Variants in FHIT observed in about 807,000 individuals in gnomAD.
FHIT encodes the protein bis(5'-adenosyl)-triphosphatase.
A neutral mutation model predicts 17.9 loss-of-function variants in FHIT; 19 were observed. The ratio of observed to expected loss-of-function variants is 1.06; its 90% CI spans 0.74 to 1.56. The LOEUF (loss-of-function observed/expected upper bound fraction) is 1.56, where lower values mean the gene tolerates loss of function less well. Among genes scored for constraint, FHIT ranks in the 40% most tolerant of loss-of-function variants. The pLI, the probability that FHIT is intolerant of heterozygous loss-of-function variation, is 0.00. For synonymous variants in FHIT, 81 were observed against 69.7 expected (o/e 1.16, Z -0.81); for missense variants, 248 against 189.2 (o/e 1.31, Z -1.82).
chr3:60,407,377 A>G (rs1701905802), intron 5 of FHIT, among the ~76,000 whole-genome samples: 1 of 152,110 alleles, frequency 6.6e-6, no homozygotes, highest in Admixed American at 6.5e-5. Flanking sequence ...CCAAAAGATA[A>G]GTAATTGAAT....
At chr3:60,626,023 C>A (rs1008970822) in intron 4 of FHIT, among the ~76,000 whole-genome samples, 2 of 152,194 alleles carry the variant, frequency 1.3e-5, no homozygotes, top group African/African-American at 2.4e-5. Flanking sequence ...CTTGGCAGCA[C>A]TTTTGAAAAT....
chr3:61,196,963 C>T (rs924391043), intron 2 of FHIT, among the ~76,000 whole-genome samples: 10 of 152,110 alleles, frequency 6.6e-5, no homozygotes, highest in Non-Finnish European at 5.9e-5. Flanking sequence ...AGAATGCCTG[C>T]GATAGAGGTT....
chr3:61,107,125 C>A (rs2036014826), intron 2 of FHIT, among the ~76,000 whole-genome samples: 1 of 152,224 alleles, frequency 6.6e-6, no homozygotes, highest in Non-Finnish European at 1.5e-5. Context: ...AATTCTCCAA[C>A]TGCCCACCCT....
In FHIT at chr3:60,683,596, G is replaced by T. The variant is rs150554267; in HGVS notation, c.-18+138323C>A. ...TGTAAACACAACTTTTATATTCACT[G>T]GGAAACAAAAAAGTTTGTGTGCCTT... On this transcript the variant is annotated intron_variant, in intron 4 of 9. Transcript: ENST00000492590. Among the ~76,000 whole-genome samples, 720 of 152,020 alleles carry T rather than the reference G, an allele frequency of 4.7e-3. 4 individuals are homozygous for T. The highest frequency in any genetic ancestry group is 0.017 in the African/African-American group (685 of 41,442).
intron 4 of FHIT, among the ~76,000 whole-genome samples, chr3:60,696,758 A>T (rs1553700741): frequency 2.6e-5 from 4 of 152,204 alleles, no homozygotes; most frequent in African/African-American, 7.2e-5. Context: ...CATGAATAAT[A>T]AATCAAAAGG....
intron 5 of FHIT, among the ~76,000 whole-genome samples, chr3:60,199,816 C>A (rs1308231251): frequency 6.6e-6 from 1 of 152,036 alleles, no homozygotes; most frequent in African/African-American, 2.4e-5. Context: ...ACCTACAATT[C>A]TTCTGTGTTA....
chr3:60,859,793 C>T (rs1553750882), intron 3 of FHIT, among the ~76,000 whole-genome samples: 1 of 110,910 alleles, frequency 9.0e-6, no homozygotes, highest in African/African-American at 3.5e-5. Context: ...CCTGTAATCC[C>T]AGCCCTTTGG....
At chr3:60,914,413 T>A (rs1706898990) in intron 3 of FHIT, among the ~76,000 whole-genome samples, 1 of 151,492 alleles carries the variant, frequency 6.6e-6, no homozygotes, top group South Asian at 2.1e-4. Context: ...ACAATAACCA[T>A]CCTGAGTGTT....
chr3:60,920,660 T>C (rs1707233566), intron 3 of FHIT, among the ~76,000 whole-genome samples: 1 of 152,108 alleles, frequency 6.6e-6, no homozygotes, highest in Non-Finnish European at 1.5e-5. Flanking sequence ...TTCAACATAT[T>C]CCACGATCAA....
At chr3:61,192,265 A>G (rs1189488199) in intron 2 of FHIT, among the ~76,000 whole-genome samples, 1 of 152,194 alleles carries the variant, frequency 6.6e-6, no homozygotes, top group Non-Finnish European at 1.5e-5. Flanking sequence ...GAGATAATTC[A>G]TTTCTCTTAT....
intron 5 of FHIT, among the ~76,000 whole-genome samples, chr3:60,142,775 C>T (rs1240175084): frequency 6.6e-6 from 1 of 151,300 alleles, no homozygotes; most frequent in Non-Finnish European, 1.5e-5. Context: ...CCTCCTAGAT[C>T]AGCCACTCAA....
intron 7 of FHIT, among the ~76,000 whole-genome samples, chr3:59,944,647 T>A (rs1366014458): frequency 1.3e-5 from 2 of 152,120 alleles, no homozygotes; most frequent in African/African-American, 4.8e-5. Context: ...TAGTACCCAA[T>A]GGGTAATTCT....
At chr3:60,363,294 T>C (rs80315809) in intron 5 of FHIT, among the ~76,000 whole-genome samples, 1,891 of 152,234 alleles carry the variant, frequency 0.012, 40 homozygotes, top group African/African-American at 0.044. Flanking sequence ...CCTATGAAGT[T>C]TTAAGGAAAA....
intron 5 of FHIT, among the ~76,000 whole-genome samples, chr3:60,521,399 C>T (rs1047893906): frequency 5.3e-5 from 8 of 152,054 alleles, no homozygotes; most frequent in African/African-American, 1.7e-4. Flanking sequence ...AGGCGCCCGC[C>T]ACCACACCCA....
intron 5 of FHIT, among the ~76,000 whole-genome samples, chr3:60,130,470 T>G (rs913183619): frequency 2.0e-5 from 3 of 152,122 alleles, no homozygotes; most frequent in African/African-American, 7.2e-5. Flanking sequence ...TAAAGTCATT[T>G]CACACCTGAT....
chr3:60,125,617 CAAA>C (rs200255368), intron 5 of FHIT, among the ~76,000 whole-genome samples: 2 of 122,760 alleles, frequency 1.6e-5, no homozygotes, highest in Admixed American at 8.1e-5. Flanking sequence ...GACACTGTCT[CAAA>C]AAAAAAAAAA....
At chr3:60,444,994 T>C (rs567239722) in intron 5 of FHIT, among the ~76,000 whole-genome samples, 1 of 152,204 alleles carries the variant, frequency 6.6e-6, no homozygotes, top group Admixed American at 6.6e-5. Context: ...TGAAAAGCGA[T>C]GAAAGGAACA....
intron 4 of FHIT, among the ~76,000 whole-genome samples, chr3:60,638,043 G>C (rs554286817): frequency 6.6e-6 from 1 of 152,302 alleles, no homozygotes; most frequent in Admixed American, 6.5e-5. Context: ...GAAAGTGGTA[G>C]AATGAAATAG....
At chr3:60,085,345 T>C (rs1275449614) in intron 5 of FHIT, among the ~76,000 whole-genome samples, 2 of 152,102 alleles carry the variant, frequency 1.3e-5, no homozygotes, top group Admixed American at 6.6e-5. Context: ...TACTACATCC[T>C]TTGCTTGGGT....
Sources: gnomAD v4.1 joint callset for allele counts (sites outside exome capture counted in the v4.1 genomes callset) on GRCh38, gnomAD v4.1.1 for gene constraint, MANE v1.5 for transcripts, NCBI Gene and HGNC (gene_info 2026-07-23, HGNC 2026-07-21) for gene names.